The following GPHN variants were observed in gnomAD, a reference collection of about 807,000 sequenced individuals.
GPHN encodes the protein gephyrin.
GPHN carries 17 observed loss-of-function variants against 95.5 expected under a neutral mutation model. That is an observed-to-expected ratio of 0.18 (90% CI 0.12 to 0.27). The LOEUF (loss-of-function observed/expected upper bound fraction) is 0.27. Among genes scored for constraint, GPHN ranks in the 10% least tolerant of loss-of-function variants. The pLI, the probability that GPHN is intolerant of heterozygous loss-of-function variation, is 1.00. For missense variants in GPHN, 660 were observed against 978.1 expected (o/e 0.67, Z 4.34); for synonymous variants, 320 against 322.5 (o/e 0.99, Z 0.08).
the GPHN span, chr14:67,320,230 A>T: frequency 6.2e-7 from 1 of 1,604,372 alleles, no homozygotes; most frequent in South Asian, 1.1e-5. Flanking sequence ...TTTCCCAAAG[A>T]TTATGACAAC....
the GPHN span, chr14:67,662,604 G>T: frequency 2.1e-6 from 3 of 1,400,866 alleles, no homozygotes; most frequent in African/African-American, 1.4e-5. Flanking sequence ...CATTCCCTCT[G>T]CTTCGAATAA....
At chr14:67,273,905 C>G in the GPHN span, among the ~76,000 whole-genome samples, 5 of 152,190 alleles carry the variant, frequency 3.3e-5, no homozygotes, top group Non-Finnish European at 7.3e-5. Context: ...TGTCTGTTGG[C>G]TGCATGAATG....
chr14:66,966,859 TTTTA>T, intron 9 of GPHN, among the ~76,000 whole-genome samples: 1 of 152,072 alleles, frequency 6.6e-6, no homozygotes, highest in South Asian at 2.1e-4. Context: ...TCTTGAGTAT[TTTTA>T]TAACTTTGTA....
At chr14:66,747,382 G>C (rs2058193814) in intron 2 of GPHN, among the ~76,000 whole-genome samples, 2 of 152,124 alleles carry the variant, frequency 1.3e-5, no homozygotes, top group African/African-American at 4.8e-5. Context: ...AGGTATTTTT[G>C]TTCTTATTTG....
intron 2 of GPHN, among the ~76,000 whole-genome samples, chr14:66,687,635 A>G (rs2067477047): frequency 6.6e-6 from 1 of 151,678 alleles, no homozygotes; most frequent in Non-Finnish European, 1.5e-5. Flanking sequence ...GATTACAGGC[A>G]TGTGCCACCA....
At chr14:67,467,475 G>T in the GPHN span, 1 of 152,242 alleles carries the variant, frequency 6.6e-6, no homozygotes. Flanking sequence ...GGGAGGGAGG[G>T]GAGAGGGTAT....
intron 4 of GPHN, among the ~76,000 whole-genome samples, chr14:66,867,013 C>A (rs565839550): frequency 3.3e-5 from 5 of 152,074 alleles, no homozygotes; most frequent in African/African-American, 1.2e-4. Context: ...GTACTGTCTC[C>A]TTTGACCTTT....
In GPHN at chr14:66,623,757, A is replaced by G. The variant is rs142133281; in HGVS notation, c.65-57350A>G. Among the ~76,000 whole-genome samples the G allele has an allele frequency of 1.9e-4, 29 of 152,134 alleles. 1 individual carries two copies. Among genetic ancestry groups the G allele is most frequent in the African/African-American group, 7.0e-4 (29 of 41,494 alleles). On this transcript the variant is annotated intron_variant, in intron 1 of 22. Transcript: ENST00000478722. ...GGAGAAAACTAAGTGCCCTGGAGAA[A>G]TTTTAAAGAAGAGGAGGGACCTGAA...
In GPHN at chr14:67,041,886, C is replaced by T. The variant is rs540731171; in HGVS notation, c.1007-16763C>T. Among the ~76,000 whole-genome samples, 5 of 152,246 alleles carry T rather than the reference C, an allele frequency of 3.3e-5. 1 individual carries two copies. In the South Asian group the frequency reaches 1.0e-3, roughly 32 times the overall value. On this transcript the variant is annotated intron_variant, in intron 10 of 22. Transcript: ENST00000478722. ...ACAACCTCTCCAGCATCTGTTGTTT[C>T]CTGACGTTTTAATGATCTCCAACCT...
chr14:66,697,884 A>G (rs552731930), intron 2 of GPHN, among the ~76,000 whole-genome samples: 74 of 151,752 alleles, frequency 4.9e-4, no homozygotes, highest in Non-Finnish European at 9.0e-4. Flanking sequence ...TTGTAGAGAG[A>G]GGATCTCTCC....
At chr14:67,000,898 T>A (rs1567198581) in intron 9 of GPHN, among the ~76,000 whole-genome samples, 2 of 151,692 alleles carry the variant, frequency 1.3e-5, no homozygotes, top group South Asian at 4.1e-4. Context: ...TACTTGGGCA[T>A]ACATTTTTAA....
chr14:67,202,926 C>A, the GPHN span: 1 of 274,684 alleles, frequency 3.6e-6, no homozygotes, highest in Non-Finnish European at 5.6e-6. Flanking sequence ...GAGGCTGTGT[C>A]TGTTCCCTGC....
At chr14:67,025,431 T>C (rs555304282) in intron 10 of GPHN, among the ~76,000 whole-genome samples, 2 of 152,330 alleles carry the variant, frequency 1.3e-5, no homozygotes, top group South Asian at 4.1e-4. Context: ...GATCAACCTA[T>C]GAGAACCTTC....
chr14:66,825,752 T>C (rs2153493867), intron 4 of GPHN, among the ~76,000 whole-genome samples: 1 of 152,360 alleles, frequency 6.6e-6, no homozygotes, highest in East Asian at 1.9e-4. Flanking sequence ...TAGTTTTGGC[T>C]TTTAAAGCAA....
intron 3 of GPHN, among the ~76,000 whole-genome samples, chr14:66,792,555 T>C (rs1470699809): frequency 6.7e-6 from 1 of 149,958 alleles, no homozygotes; most frequent in Non-Finnish European, 1.5e-5. Context: ...AATAAAGACA[T>C]GTCCAAATAA....
intron 10 of GPHN, among the ~76,000 whole-genome samples, chr14:67,054,021 AG>A (rs1389316081): frequency 6.6e-6 from 1 of 152,240 alleles, no homozygotes; most frequent in African/African-American, 2.4e-5. Context: ...AATGGGAAAA[AG>A]CTCAAAGCAT....
At chr14:67,650,447 C>CAATT in the GPHN span, 8 of 448,002 alleles carry the variant, frequency 1.8e-5, no homozygotes, top group Non-Finnish European at 3.2e-5. Flanking sequence ...GAACGCCTGA[C>CAATT]AATTATGCCT....
chr14:66,975,955 C>T (rs916831313), intron 9 of GPHN, among the ~76,000 whole-genome samples: 1 of 152,158 alleles, frequency 6.6e-6, no homozygotes. Flanking sequence ...TAAATAACCT[C>T]TAAAGTCCCT....
the GPHN span, among the ~76,000 whole-genome samples, chr14:67,276,653 A>G: frequency 6.6e-6 from 1 of 152,122 alleles, no homozygotes; most frequent in African/African-American, 2.4e-5. Context: ...ATAATCATTT[A>G]TTTTCTTTGC....
Sources: allele counts gnomAD v4.1 joint callset (sites outside exome capture counted in the v4.1 genomes callset), GRCh38; gene constraint gnomAD v4.1.1; transcripts MANE v1.5; gene names NCBI Gene and HGNC (gene_info 2026-07-23, HGNC 2026-07-21).